The following CPPED1 variants were observed in gnomAD, a reference collection of about 807,000 sequenced individuals.
CPPED1 encodes the protein calcineurin like phosphoesterase domain containing 1, also known as serine/threonine-protein phosphatase CPPED1.
A neutral mutation model predicts 28.0 loss-of-function variants in CPPED1; 28 were observed. That is an observed-to-expected ratio of 1.00 (90% CI 0.74 to 1.37). The LOEUF (loss-of-function observed/expected upper bound fraction) is 1.37, where lower values mean the gene tolerates loss of function less well. Ranked by LOEUF, CPPED1 falls within the 40% of genes most tolerant of loss-of-function variation. The pLI, the probability that CPPED1 is intolerant of heterozygous loss-of-function variation, is 0.00. For missense variants in CPPED1, 504 were observed against 416.5 expected, an observed-to-expected ratio of 1.21 and a Z score of -1.83; for synonymous variants, 198 against 180.2, an observed-to-expected ratio of 1.10 and a Z score of -0.79.
At chr16:12,747,113 G>A (rs1177544617) in intron 2 of CPPED1, among the ~76,000 whole-genome samples, 1 of 151,694 alleles carries the variant, frequency 6.6e-6, no homozygotes, top group African/African-American at 2.4e-5. Flanking sequence ...TGGCAACATG[G>A]TAGGTTTGAA....
intron 3 of CPPED1, among the ~76,000 whole-genome samples, chr16:12,687,219 A>ATTTT (rs1337012813): frequency 6.6e-6 from 1 of 152,176 alleles, no homozygotes. Flanking sequence ...GTTTTGAGAA[A>ATTTT]TTTAAAAGAT....
At chr16:12,734,712 A>G (rs1349186391) in intron 2 of CPPED1, among the ~76,000 whole-genome samples, 2 of 152,154 alleles carry the variant, frequency 1.3e-5, no homozygotes, top group African/African-American at 4.8e-5. Flanking sequence ...GTCTGGCCTC[A>G]GGATGTGGTT....
At chr16:12,788,493 G>C (rs2080577435) in intron 1 of CPPED1, among the ~76,000 whole-genome samples, 1 of 152,150 alleles carries the variant, frequency 6.6e-6, no homozygotes, top group African/African-American at 2.4e-5. Flanking sequence ...CTAAGTACTA[G>C]AAATTGTCAG....
In CPPED1 at chr16:12,664,266, A is replaced by C; in HGVS notation, c.*620T>G. ...CTTTTCTAGGCACCCAGGAAGGCAAATTTAAGCTCCGAGCTGTATCAACTG... is the reference window on the plus strand; with the variant it reads ...CTTTTCTAGGCACCCAGGAAGGCAACTTTAAGCTCCGAGCTGTATCAACTG... On this transcript the variant is annotated 3_prime_UTR_variant, in exon 4 of 4. Transcript: ENST00000381774. This position sits in a 1 kb window ranked among gnomAD's most constrained non-coding sequence, Gnocchi z 4.2. 1 of 776,856 alleles carries C rather than the reference A, an allele frequency of 1.3e-6. No homozygotes were observed. Among genetic ancestry groups the C allele is most frequent in the Non-Finnish European group, 1.6e-6 (1 of 639,252 alleles). The allele number at this position is 776,856 out of a possible 1,614,324, so 48.1% of individuals were successfully genotyped here. A position where few individuals can be genotyped will look rare whatever the true frequency, so the allele number is the denominator to read the frequency against.
At position 12,801,059 on chromosome 16, in the gene CPPED1, A is replaced by T. The variant is rs1047018080; in HGVS notation, c.70+2648T>A. On this transcript the variant is annotated intron_variant, in intron 1 of 3. Transcript: ENST00000381774. ...ATTCTCCACCATACTGGACAGTGCA[A>T]TAGGAATATAAGAAATATTTATTTC... Among the ~76,000 whole-genome samples, 10 of 152,126 alleles carry T rather than the reference A, an allele frequency of 6.6e-5. No homozygotes were observed. The East Asian group carries it at 1.9e-3, about 29-fold the overall frequency.
At chr16:12,678,376 C>A (rs1389422309) in intron 3 of CPPED1, among the ~76,000 whole-genome samples, 1 of 152,164 alleles carries the variant, frequency 6.6e-6, no homozygotes, top group African/African-American at 2.4e-5. Context: ...CTGTTTTGGC[C>A]ATTATAGGTA....
chr16:12,700,533 G>A (rs2080014873), intron 3 of CPPED1, among the ~76,000 whole-genome samples: 2 of 152,220 alleles, frequency 1.3e-5, no homozygotes, highest in Admixed American at 1.3e-4. Context: ...TGGGATTACA[G>A]GTGGGCACCA....
At chr16:12,698,143 A>G (rs555443042) in intron 3 of CPPED1, among the ~76,000 whole-genome samples, 5 of 152,150 alleles carry the variant, frequency 3.3e-5, no homozygotes, top group Admixed American at 6.5e-5. Context: ...GTTCATGAAA[A>G]CCAACTCACA....
chr16:12,712,874 AT>A (rs2080087217), intron 2 of CPPED1, among the ~76,000 whole-genome samples: 1 of 152,316 alleles, frequency 6.6e-6, no homozygotes, highest in South Asian at 2.1e-4. Flanking sequence ...GAAAAACTTA[AT>A]TTTTTATGAG....
At chr16:12,771,948 C>T (rs985259803) in intron 2 of CPPED1, among the ~76,000 whole-genome samples, 1 of 152,138 alleles carries the variant, frequency 6.6e-6, no homozygotes, top group Non-Finnish European at 1.5e-5. Flanking sequence ...CATGCAGAAA[C>T]CTTGTCTCTA....
At chr16:12,686,513 A>G (rs1208478176) in intron 3 of CPPED1, among the ~76,000 whole-genome samples, 1 of 152,200 alleles carries the variant, frequency 6.6e-6, no homozygotes, top group African/African-American at 2.4e-5. Context: ...AGTTTTGTCA[A>G]TAAACTTCTT....
chr16:12,731,616 G>A (rs1176316420), intron 2 of CPPED1, among the ~76,000 whole-genome samples: 2 of 151,790 alleles, frequency 1.3e-5, no homozygotes, highest in South Asian at 2.1e-4. Context: ...AAAAGCCACC[G>A]ATAATACGGA....
chr16:12,752,381 A>G (rs2080335682), intron 2 of CPPED1, among the ~76,000 whole-genome samples: 1 of 151,936 alleles, frequency 6.6e-6, no homozygotes, highest in African/African-American at 2.4e-5. Context: ...CTCCTACTCT[A>G]CCACACGAAA....
intron 2 of CPPED1, among the ~76,000 whole-genome samples, chr16:12,764,196 GATTTT>G (rs2080426029): frequency 8.7e-6 from 1 of 115,400 alleles, no homozygotes. Flanking sequence ...GGTACTGTTT[GATTTT>G]AATTTTTTTT....
At chr16:12,687,251 T>C (rs2079938069) in intron 3 of CPPED1, among the ~76,000 whole-genome samples, 2 of 152,168 alleles carry the variant, frequency 1.3e-5, no homozygotes, top group African/African-American at 2.4e-5. Context: ...AAAAGAATAA[T>C]GTAACATTCG....
At chr16:12,671,421 A>G (rs2079852194) in intron 3 of CPPED1, among the ~76,000 whole-genome samples, 1 of 151,944 alleles carries the variant, frequency 6.6e-6, no homozygotes, top group Admixed American at 6.6e-5. Flanking sequence ...ATGAGGAGAC[A>G]AGAGAGCAAG....
At chr16:12,741,169 C>T (rs1475917504) in intron 2 of CPPED1, among the ~76,000 whole-genome samples, 1 of 152,066 alleles carries the variant, frequency 6.6e-6, no homozygotes, top group African/African-American at 2.4e-5. Flanking sequence ...ATATAGTGGG[C>T]AGGACGGCAG....
intron 3 of CPPED1, among the ~76,000 whole-genome samples, chr16:12,692,366 G>A (rs1253425346): frequency 1.3e-5 from 2 of 152,280 alleles, no homozygotes; most frequent in East Asian, 3.9e-4. Flanking sequence ...CAATTCAAGG[G>A]ATATCAGAAA....
chr16:12,780,947 A>C (rs2080526682), intron 2 of CPPED1: 1 of 529,780 alleles, frequency 1.9e-6, no homozygotes, highest in African/African-American at 1.9e-5. Flanking sequence ...TTTCATATTA[A>C]GCTCAAATCA....
Sources: allele counts gnomAD v4.1 joint callset (sites outside exome capture counted in the v4.1 genomes callset), GRCh38; gene constraint gnomAD v4.1.1; non-coding constraint Gnocchi (gnomAD v3.1); transcripts MANE v1.5; gene names NCBI Gene and HGNC (gene_info 2026-07-23, HGNC 2026-07-21).